ATP9B: variants seen among roughly 807,000 people sequenced by gnomAD.
ATP9B encodes the protein probable phospholipid-transporting ATPase IIB.
In ATP9B, 110 loss-of-function variants were observed where a neutral mutation model predicts 146.1. The ratio of observed to expected loss-of-function variants is 0.75; its 90% CI spans 0.65 to 0.88. ATP9B has a LOEUF of 0.88. Among genes scored for constraint, ATP9B ranks in the 40% least tolerant of loss-of-function variants. The probability of loss-of-function intolerance (pLI) is 0.00; values close to 1 mark genes in which losing one functional copy is unlikely to be tolerated. For synonymous variants in ATP9B, 604 were observed against 569.7 expected (o/e 1.06, Z -0.86); for missense variants, 1,499 against 1,496.4 (o/e 1.00, Z -0.03).
chr18:79,096,348 C>T (rs2074778703), intron 1 of ATP9B, 128 bp from the exon 2 acceptor site: 13 of 858,514 alleles, frequency 1.5e-5, no homozygotes, highest in Non-Finnish European at 2.3e-5. Flanking sequence ...GCAGCCTCTG[C>T]AGTCTTATTT....
chr18:79,251,391 G>A (rs893818935), intron 11 of ATP9B, among the ~76,000 whole-genome samples: 17 of 152,306 alleles, frequency 1.1e-4, no homozygotes, highest in African/African-American at 4.1e-4. Flanking sequence ...TTTAAAACAA[G>A]CCTGGTTAGA....
In ATP9B at chr18:79,191,042, T is replaced by C. The variant is rs186964009; in HGVS notation, c.874-2141T>C. Among the ~76,000 whole-genome samples, 157 of 152,318 alleles carry C rather than the reference T, an allele frequency of 1.0e-3. 1 individual carries two copies. The highest frequency in any genetic ancestry group is 1.6e-3 in the Non-Finnish European group (106 of 68,020). ...GGAATGGAGTTCTCATTTTATTTATTTGACAGTGTCTTTATTTCACCTGTA... is the reference window on the plus strand; with the variant it reads ...GGAATGGAGTTCTCATTTTATTTATCTGACAGTGTCTTTATTTCACCTGTA... On this transcript the variant is annotated intron_variant, in intron 8 of 29. Transcript: ENST00000426216.
At chr18:79,126,071 A>G (rs2094280954) in intron 4 of ATP9B, among the ~76,000 whole-genome samples, 196 bp from the exon 5 acceptor site, 4 of 152,274 alleles carry the variant, frequency 2.6e-5, no homozygotes, top group Middle Eastern at 3.4e-3. Context: ...TGGGGAGTAT[A>G]CTAAGAGTTG....
chr18:79,158,485 C>T (rs2094829478), intron 7 of ATP9B, among the ~76,000 whole-genome samples: 1 of 152,082 alleles, frequency 6.6e-6, no homozygotes, highest in Non-Finnish European at 1.5e-5. Context: ...CAGGCTGTGT[C>T]TGTTGCTGTG....
In ATP9B at chr18:79,377,437, C is replaced by G; in HGVS notation, c.*54C>G. 1 of 1,583,272 alleles carries G rather than the reference C, an allele frequency of 6.3e-7. No individual in the cohort carries two copies. Among genetic ancestry groups the G allele is most frequent in the Non-Finnish European group, 8.6e-7 (1 of 1,168,018 alleles). On this transcript the variant is annotated 3_prime_UTR_variant, in exon 30 of 30. Transcript: ENST00000426216. ...CCAGCACCTTCTGCCCTTCCCAGCA[C>G]CTTGTGCCCTTGCCAGTGAACGCAG...
chr18:79,292,101 C>T (rs1350881032), intron 13 of ATP9B, among the ~76,000 whole-genome samples: 6 of 152,210 alleles, frequency 3.9e-5, no homozygotes, highest in African/African-American at 1.2e-4. Flanking sequence ...AATATTCCAT[C>T]GTGTGGATAC....
intron 13 of ATP9B, 98 bp downstream of exon 13, chr18:79,277,294 T>C: frequency 1.4e-6 from 2 of 1,437,096 alleles, no homozygotes; most frequent in Non-Finnish European, 1.9e-6. Flanking sequence ...TATGTATATA[T>C]GTGTATGTAT....
intron 1 of ATP9B, among the ~76,000 whole-genome samples, chr18:79,080,498 T>A (rs2146503151): frequency 6.6e-6 from 1 of 152,368 alleles, no homozygotes; most frequent in East Asian, 1.9e-4. Flanking sequence ...ATCCTGAGAC[T>A]TTGCTAAGTT....
At chr18:79,075,133 T>C (rs1347629179) in intron 1 of ATP9B, among the ~76,000 whole-genome samples, 1 of 151,576 alleles carries the variant, frequency 6.6e-6, no homozygotes, top group African/African-American at 2.4e-5. Flanking sequence ...CTGGAGTGCA[T>C]TGGTGCAGTC....
intron 15 of ATP9B, 31 bp from the exon 16 acceptor site, chr18:79,329,110 G>T: frequency 6.7e-7 from 1 of 1,503,720 alleles, no homozygotes; most frequent in Non-Finnish European, 8.9e-7. Flanking sequence ...CTGAGGCAGC[G>T]GTGGCCTCAG....
chr18:79,278,550 G>A (rs901976054), intron 13 of ATP9B, among the ~76,000 whole-genome samples: 1 of 152,140 alleles, frequency 6.6e-6, no homozygotes, highest in Non-Finnish European at 1.5e-5. Context: ...AGGAGTCTCT[G>A]TTTTGGAAGT....
chr18:79,260,590 T>C (rs2096130031), intron 12 of ATP9B, among the ~76,000 whole-genome samples: 2 of 152,334 alleles, frequency 1.3e-5, no homozygotes, highest in South Asian at 2.1e-4. Flanking sequence ...AGACCCATCA[T>C]GTTTTATCAG....
intron 12 of ATP9B, among the ~76,000 whole-genome samples, chr18:79,262,000 AT>A (rs1482482848): frequency 6.6e-6 from 1 of 151,840 alleles, no homozygotes; most frequent in Non-Finnish European, 1.5e-5. Flanking sequence ...GTGATGGGCC[AT>A]TCAGCTCAGT....
chr18:79,243,815 G>C (rs1161440009), intron 11 of ATP9B, among the ~76,000 whole-genome samples: 1 of 152,132 alleles, frequency 6.6e-6, no homozygotes, highest in Non-Finnish European at 1.5e-5. Flanking sequence ...CAGACTTTCT[G>C]GAATCTCACA....
At chr18:79,107,158 A>G (rs886947225) in intron 2 of ATP9B, among the ~76,000 whole-genome samples, 5 of 152,280 alleles carry the variant, frequency 3.3e-5, no homozygotes, top group African/African-American at 1.2e-4. Flanking sequence ...ATGTGCTCAT[A>G]TGAAGCCTGT....
chr18:79,252,527 T>A (rs1231620014), intron 11 of ATP9B, among the ~76,000 whole-genome samples: 1 of 152,206 alleles, frequency 6.6e-6, no homozygotes, highest in Admixed American at 6.5e-5. Flanking sequence ...GAGCTCGAAA[T>A]TGAAGCTACA....
At chr18:79,288,914 C>A (rs1015395416) in intron 13 of ATP9B, among the ~76,000 whole-genome samples, 22 of 152,180 alleles carry the variant, frequency 1.4e-4, no homozygotes, top group African/African-American at 7.2e-5. Context: ...GTTGAAAATT[C>A]TTTTCTTTAA....
At chr18:79,306,430 G>T (rs1303168958) in intron 14 of ATP9B, among the ~76,000 whole-genome samples, 1 of 152,152 alleles carries the variant, frequency 6.6e-6, no homozygotes, top group Non-Finnish European at 1.5e-5. Flanking sequence ...ATATGACACG[G>T]GGCCATTTTT....
intron 11 of ATP9B, among the ~76,000 whole-genome samples, chr18:79,240,860 C>T (rs549609389): frequency 4.5e-4 from 69 of 152,270 alleles, no homozygotes; most frequent in African/African-American, 1.5e-3. Flanking sequence ...TTGGCAGTGT[C>T]GGGCCAAGGA....
Sources: allele counts gnomAD v4.1 joint callset (sites outside exome capture counted in the v4.1 genomes callset), GRCh38; gene constraint gnomAD v4.1.1; transcripts MANE v1.5; gene names NCBI Gene and HGNC (gene_info 2026-07-23, HGNC 2026-07-21).